Variants in DYNC2H1 observed in about 807,000 individuals in gnomAD.
The protein encoded by DYNC2H1 is cytoplasmic dynein 2 heavy chain 1.
In DYNC2H1, 410 loss-of-function variants were observed where a neutral mutation model predicts 570.0. The observed-to-expected ratio is 0.72, with a 90% CI of 0.66 to 0.78. DYNC2H1 has a LOEUF of 0.78. DYNC2H1 is among the 30% of genes least tolerant of loss of function. DYNC2H1 has a pLI of 0.00. For synonymous variants in DYNC2H1, 1,688 were observed against 1,677.6 expected (o/e 1.01, Z -0.15); for missense variants, 4,865 against 5,046.4 (o/e 0.96, Z 1.09).
intron 83 of DYNC2H1, among the ~76,000 whole-genome samples, chr11:103,385,549 C>A (rs1941836416): frequency 6.6e-6 from 1 of 152,106 alleles, no homozygotes; most frequent in South Asian, 2.1e-4. Context: ...TTGGTCTGAT[C>A]AGAAAGGATA....
At chr11:103,445,038 G>T (rs113477737) in intron 85 of DYNC2H1, among the ~76,000 whole-genome samples, 4,150 of 152,206 alleles carry the variant, frequency 0.027, 122 homozygotes, top group Middle Eastern at 0.041. Context: ...CAGTTAAGAG[G>T]TTATTGCTTT....
chr11:103,330,949 A>G (rs995136969), intron 82 of DYNC2H1, among the ~76,000 whole-genome samples: 3 of 152,170 alleles, frequency 2.0e-5, no homozygotes, highest in Admixed American at 6.5e-5. Context: ...GTAAACCTCA[A>G]TGATTTAGAG....
intron 17 of DYNC2H1, among the ~76,000 whole-genome samples, chr11:103,142,796 A>G (rs1362672900): frequency 3.3e-5 from 5 of 152,216 alleles, no homozygotes; most frequent in Admixed American, 6.5e-5. Flanking sequence ...CCGTTTAAGT[A>G]TATCATCCCA....
rs939779670 is a variant in DYNC2H1, at chr11:103,209,131, T to TA, written c.8455-739dup. On this transcript the variant is annotated intron_variant, in intron 52 of 88. Coordinates refer to ENST00000375735, the MANE Select transcript of DYNC2H1 (RefSeq NM_001377.3). The surrounding 1 kb of genome is among the most constrained non-coding windows in gnomAD (Gnocchi z 4.2). ...CATTTTTTTTTCAGTCTGAGAAATT[T>TA]AAAAAATGATTTTTTGACCTAATTA... Among the ~76,000 whole-genome samples the TA allele has an allele frequency of 2.1e-5, 3 of 146,208 alleles. No individual in the cohort carries two copies. The highest frequency in any genetic ancestry group is 3.0e-5 in the Non-Finnish European group (2 of 67,038).
At chr11:103,313,729 A>G (rs1867698752) in intron 79 of DYNC2H1, among the ~76,000 whole-genome samples, 1 of 152,220 alleles carries the variant, frequency 6.6e-6, no homozygotes, top group Admixed American at 6.5e-5. Context: ...CAAATGAAAT[A>G]GTGTATGTTT....
chr11:103,324,037 C>A lies in DYNC2H1; in HGVS notation c.12039+47C>A. Reference sequence around the variant, plus strand: ...CCTTCAAAAAAAGTTGCTAGTGAGCCTGAAGGAGACAAAATTAAACTTGAT... The same window carrying A: ...CCTTCAAAAAAAGTTGCTAGTGAGCATGAAGGAGACAAAATTAAACTTGAT... On this transcript the variant is annotated intron_variant, in intron 82 of 88. Transcript: ENST00000375735. This position sits in a 1 kb window ranked among gnomAD's most constrained non-coding sequence, Gnocchi z 5.2. The A allele has an allele frequency of 7.1e-7, 1 of 1,409,106 alleles. No homozygotes were observed. The highest frequency in any genetic ancestry group is 9.5e-7 in the Non-Finnish European group (1 of 1,051,156). The allele number at this position is 1,409,106 out of a possible 1,614,324, so 87.3% of individuals were successfully genotyped here. A position where few individuals can be genotyped will look rare whatever the true frequency, so the allele number is the denominator to read the frequency against.
At chr11:103,434,172 C>G (rs1943986348) in intron 84 of DYNC2H1, among the ~76,000 whole-genome samples, 1 of 152,054 alleles carries the variant, frequency 6.6e-6, no homozygotes, top group Non-Finnish European at 1.5e-5. Context: ...GCCAAGTTCT[C>G]TTTGAATTGC....
At position 103,312,006 on chromosome 11, in the gene DYNC2H1, T is replaced by C; in HGVS notation, c.11622T>C (p.Cys3874=). Residue 3874 remains cysteine (C), a synonymous_variant, in exon 79 of 89, where the codon TGT becomes TGC. Transcript: ENST00000375735. ...LFSLAWFHAA[C]QERRNYIPQG... ...GTCTTGCATGGTTTCATGCTGCATG[T>C]CAAGAAAGAAGAAACTATATTCCTC... The C allele has an allele frequency of 6.2e-7, 1 of 1,612,102 alleles. No individual in the cohort carries two copies. The highest frequency in any genetic ancestry group is 1.1e-5 in the South Asian group (1 of 90,566).
In DYNC2H1 at chr11:103,157,526, TC is replaced by T. The variant is rs546135120; in HGVS notation, c.4127+757del. On this transcript the variant is annotated intron_variant, in intron 26 of 88. Coordinates refer to ENST00000375735, the MANE Select transcript of DYNC2H1 (RefSeq NM_001377.3). This position sits in a 1 kb window ranked among gnomAD's most constrained non-coding sequence, Gnocchi z 4.2. ...ATGATGGATAACTTTGATATCTCCC[TC>T]TTCCTCCACTTTTACATACATTAAG... is the stretch of plus-strand genomic sequence containing the variant. Among the ~76,000 whole-genome samples the T allele has an allele frequency of 9.1e-4, 139 of 152,372 alleles. 1 individual carries two copies. The highest frequency in any genetic ancestry group is 3.2e-3 in the African/African-American group (135 of 41,590).
intron 71 of DYNC2H1, among the ~76,000 whole-genome samples, chr11:103,281,543 A>G (rs1182868963): frequency 6.6e-6 from 1 of 151,916 alleles, no homozygotes; most frequent in Non-Finnish European, 1.5e-5. Flanking sequence ...TTGCTTTGGT[A>G]GTTTTTCCAC....
chr11:103,317,648 C>T (rs1163292168), intron 80 of DYNC2H1, among the ~76,000 whole-genome samples: 1 of 152,172 alleles, frequency 6.6e-6, no homozygotes, highest in African/African-American at 2.4e-5. Context: ...CTTGTTCTTA[C>T]TTGAAGGTTT....
chr11:103,286,473 A>G (rs755765105), intron 74 of DYNC2H1, 87 bp downstream of exon 74: 4 of 1,476,974 alleles, frequency 2.7e-6, no homozygotes, highest in Non-Finnish European at 3.7e-6. Context: ...CTTTGCTTTT[A>G]GAGTGTTACT....
chr11:103,207,363 G>A (rs1253810723), intron 52 of DYNC2H1, among the ~76,000 whole-genome samples: 2 of 151,784 alleles, frequency 1.3e-5, no homozygotes, highest in Non-Finnish European at 2.9e-5. Flanking sequence ...TTGAGTAAGT[G>A]CACAGCAAAT....
chr11:103,336,540 G>C (rs1939141544), intron 82 of DYNC2H1, among the ~76,000 whole-genome samples: 1 of 151,354 alleles, frequency 6.6e-6, no homozygotes, highest in Admixed American at 6.6e-5. Flanking sequence ...TCCCACGTAT[G>C]AATGAGAACA....
intron 83 of DYNC2H1, among the ~76,000 whole-genome samples, chr11:103,390,016 C>CTTGG (rs776348377): frequency 4.2e-4 from 64 of 152,188 alleles, no homozygotes; most frequent in Non-Finnish European, 5.4e-4. Context: ...ATTAGGTCCA[C>CTTGG]TTGGTGCAGA....
At chr11:103,468,565 A>C (rs377719262) in intron 87 of DYNC2H1, 24 bp from the exon 88 acceptor site, 3 of 1,569,956 alleles carry the variant, frequency 1.9e-6, no homozygotes, top group African/African-American at 1.3e-5. Flanking sequence ...GCATATTTTC[A>C]TGACATATTT....
chr11:103,247,712 G>C (rs966798753), intron 65 of DYNC2H1, among the ~76,000 whole-genome samples: 4 of 151,992 alleles, frequency 2.6e-5, no homozygotes, highest in Non-Finnish European at 4.4e-5. Context: ...CTCTGGACAG[G>C]TATATTTTAG....
chr11:103,245,146 G>T lies in DYNC2H1; in HGVS notation c.9919-105G>T, dbSNP rs1051843977. 3.1e-6 allele frequency: 3 copies of T among 973,858 alleles called. No homozygotes were observed. The highest frequency in any genetic ancestry group is 1.7e-5 in the African/African-American group (1 of 59,206). The allele number at this position is 973,858 out of a possible 1,614,324, so 60.3% of individuals were successfully genotyped here. ...TTTATTACCTATAGAATCTGAAATT[G>T]TGTTTCTATAACATTTTGAAATTAC... On this transcript the variant is annotated intron_variant, in intron 64 of 88. Coordinates refer to ENST00000375735, the MANE Select transcript of DYNC2H1 (RefSeq NM_001377.3). The surrounding 1 kb of genome is among the most constrained non-coding windows in gnomAD (Gnocchi z 4.5).
intron 65 of DYNC2H1, among the ~76,000 whole-genome samples, chr11:103,246,999 C>T (rs1591469380): frequency 1.4e-5 from 2 of 144,088 alleles, no homozygotes; most frequent in East Asian, 2.0e-4. Context: ...TCTCTCTCTC[C>T]TTTTTTTTTT....
Sources: gnomAD v4.1 joint callset for allele counts (sites outside exome capture counted in the v4.1 genomes callset) on GRCh38, gnomAD v4.1.1 for gene constraint, Gnocchi (gnomAD v3.1) non-coding constraint, MANE v1.5 for transcripts, NCBI Gene and HGNC (gene_info 2026-07-23, HGNC 2026-07-21) for gene names.